ATP6V0D1: variants seen among roughly 807,000 people sequenced by gnomAD.
ATP6V0D1 encodes ATPase H+ transporting V0 subunit d1.
ATP6V0D1 carries 13 observed loss-of-function variants against 39.0 expected under a neutral mutation model. The observed-to-expected ratio is 0.33, with a 90% CI of 0.22 to 0.53. The LOEUF is 0.53. Ranked by LOEUF, ATP6V0D1 falls within the 20% of genes least tolerant of loss-of-function variation. The probability of loss-of-function intolerance (pLI) is 0.94; values close to 1 mark genes in which losing one functional copy is unlikely to be tolerated. For missense variants in ATP6V0D1, 272 were observed against 470.9 expected (o/e 0.58, Z 3.91); for synonymous variants, 191 against 191.2 (o/e 1.00, Z 0.01).
intron 1 of ATP6V0D1, chr16:67,455,698 C>G (rs2041230906): frequency 6.6e-6 from 1 of 152,274 alleles, no homozygotes; most frequent in Non-Finnish European, 1.5e-5. Context: ...TGTGCACTCT[C>G]CTACATCCTT....
chr16:67,439,617 C>T (rs990365055), intron 4 of ATP6V0D1: 1 of 527,902 alleles, frequency 1.9e-6, no homozygotes, highest in African/African-American at 1.9e-5. Context: ...CAGTCTCCTT[C>T]ACCCCCTCAC....
intron 2 of ATP6V0D1, among the ~76,000 whole-genome samples, chr16:67,446,612 C>T (rs890188318): frequency 6.6e-6 from 1 of 152,102 alleles, no homozygotes; most frequent in African/African-American, 2.4e-5. Flanking sequence ...TATTTTCTAC[C>T]CCGGACAGCA....
At chr16:67,480,884 C>A in intron 1 of ATP6V0D1, 73 bp downstream of exon 1, 1 of 1,566,864 alleles carries the variant, frequency 6.4e-7, no homozygotes, top group South Asian at 1.1e-5. Context: ...CCCCTTCCGG[C>A]TTCCCGGCCT....
intron 1 of ATP6V0D1, among the ~76,000 whole-genome samples, chr16:67,472,283 G>C (rs1357380578): frequency 6.6e-6 from 1 of 152,188 alleles, no homozygotes; most frequent in Admixed American, 6.5e-5. Context: ...CTTGTGTGGG[G>C]TCCAGGCTCT....
chr16:67,475,569 A>G (rs1477174364), intron 1 of ATP6V0D1, among the ~76,000 whole-genome samples: 1 of 152,052 alleles, frequency 6.6e-6, no homozygotes, highest in Non-Finnish European at 1.5e-5. Flanking sequence ...AGGTCACAGG[A>G]CTCCTCTTGA....
chr16:67,469,340 T>A (rs1030046669), intron 1 of ATP6V0D1, among the ~76,000 whole-genome samples: 1 of 151,914 alleles, frequency 6.6e-6, no homozygotes, highest in Non-Finnish European at 1.5e-5. Flanking sequence ...AATAATAAAA[T>A]CGGGCTAAAG....
rs72650135 is a variant in ATP6V0D1 at position 67,438,881 on chromosome 16, G to A, written c.817-11C>T. 4 of 1,613,762 alleles carry A rather than the reference G, an allele frequency of 2.5e-6. No individual in the cohort carries two copies. Among genetic ancestry groups the A allele is most frequent in the Non-Finnish European group, 3.4e-6 (4 of 1,179,982 alleles). ...GAGCAGCTTGTACTCCTGGCCAGGG[G>A]GGTGGGGGGAAGCACAAGCATGAGG... On this transcript the variant is annotated splice_polypyrimidine_tract_variant and intron_variant, in intron 6 of 7. Coordinates refer to ENST00000290949, the MANE Select transcript of ATP6V0D1 (RefSeq NM_004691.5).
chr16:67,471,653 T>A (rs1401292662), intron 1 of ATP6V0D1, among the ~76,000 whole-genome samples: 2 of 152,096 alleles, frequency 1.3e-5, no homozygotes, highest in Admixed American at 6.5e-5. Context: ...CAGAGCAAGT[T>A]TCTTTTTTAA....
chr16:67,445,179 G>C (rs2041100630), intron 2 of ATP6V0D1, among the ~76,000 whole-genome samples: 1 of 152,232 alleles, frequency 6.6e-6, no homozygotes, highest in African/African-American at 2.4e-5. Context: ...CGGATGCATT[G>C]GAGGAACTGG....
At position 67,444,499 on chromosome 16, in the gene ATP6V0D1, C is replaced by A; in HGVS notation, c.481+29G>T. Reference sequence around the variant, plus strand: ...ATGCGCTGATGCTGACACCACTGCCCACCTCCCATGACCACCACAGCGGCT... The same window carrying A: ...ATGCGCTGATGCTGACACCACTGCCAACCTCCCATGACCACCACAGCGGCT... On this transcript the variant is annotated intron_variant, in intron 3 of 7. Transcript: ENST00000290949. This position sits in a 1 kb window ranked among gnomAD's most constrained non-coding sequence, Gnocchi z 4.8. The A allele has an allele frequency of 6.4e-7, 1 of 1,564,076 alleles. No individual in the cohort carries two copies. Among genetic ancestry groups the A allele is most frequent in the Non-Finnish European group, 8.7e-7 (1 of 1,146,686 alleles).
intron 1 of ATP6V0D1, among the ~76,000 whole-genome samples, chr16:67,469,092 A>T (rs2041352574): frequency 6.6e-6 from 1 of 152,096 alleles, no homozygotes; most frequent in African/African-American, 2.4e-5. Flanking sequence ...GGTGGATCAC[A>T]AGGTCAGGAG....
At chr16:67,469,973 G>A (rs375273772) in intron 1 of ATP6V0D1, among the ~76,000 whole-genome samples, 174 of 152,264 alleles carry the variant, frequency 1.1e-3, no homozygotes, top group South Asian at 1.9e-3. Flanking sequence ...TACATGTAAC[G>A]CTTTGCAACT....
chr16:67,451,582 G>A (rs1370396875), intron 2 of ATP6V0D1, among the ~76,000 whole-genome samples: 3 of 152,180 alleles, frequency 2.0e-5, no homozygotes, highest in Non-Finnish European at 2.9e-5. Flanking sequence ...AGGAGCAAAG[G>A]AGCAGGTCAT....
At chr16:67,480,480 C>T (rs1567544868) in intron 1 of ATP6V0D1, among the ~76,000 whole-genome samples, 2 of 152,136 alleles carry the variant, frequency 1.3e-5, no homozygotes, top group African/African-American at 4.8e-5. Context: ...CAGCAATTCC[C>T]CAGGAAGGCT....
rs2041004438 is a variant in ATP6V0D1, at chr16:67,438,533, A to C, written c.1051T>G (p.Phe351Val). 6.2e-7 allele frequency: 1 copy of C among 1,614,072 alleles called. No individual in the cohort carries two copies. ...GAGAGCCTTGGGCCAGGACGCTAGA[A>C]GATAGGGATGTAGTTGTCGATTTTG... ...RAKIDNYIPI[F>V] Residue 351 changes from phenylalanine (F) to valine (V), a missense_variant, in exon 8 of 8, where the codon TTC becomes GTC. By Grantham distance (50) the Phe-to-Val change is conservative. Transcript: ENST00000290949.
intron 2 of ATP6V0D1, among the ~76,000 whole-genome samples, chr16:67,451,041 C>T (rs1597573467): frequency 6.6e-6 from 1 of 152,314 alleles, no homozygotes; most frequent in East Asian, 1.9e-4. Flanking sequence ...CTTTGCAGTG[C>T]TGGTGGGGTC....
intron 2 of ATP6V0D1, among the ~76,000 whole-genome samples, chr16:67,452,837 C>T (rs2041196973): frequency 6.6e-6 from 1 of 152,244 alleles, no homozygotes; most frequent in African/African-American, 2.4e-5. Context: ...AAGGTCCTTT[C>T]CTCCACTCAG....
At chr16:67,440,420 A>G (rs2041036374) in intron 4 of ATP6V0D1, 1 of 152,314 alleles carries the variant, frequency 6.6e-6, no homozygotes, top group Non-Finnish European at 1.5e-5. Flanking sequence ...CATGCCAAGG[A>G]AGGTGGATGA....
intron 1 of ATP6V0D1, among the ~76,000 whole-genome samples, chr16:67,463,159 GC>G (rs2041302361): frequency 6.6e-6 from 1 of 152,208 alleles, no homozygotes; most frequent in Admixed American, 6.5e-5. Context: ...CTGTGTTTGG[GC>G]TCGTGGGATC....
Sources: allele counts gnomAD v4.1 joint callset (sites outside exome capture counted in the v4.1 genomes callset), GRCh38; gene constraint gnomAD v4.1.1; non-coding constraint Gnocchi (gnomAD v3.1); transcripts MANE v1.5; gene names NCBI Gene and HGNC (gene_info 2026-07-23, HGNC 2026-07-21).